Variants in TBC1D32 observed in about 807,000 individuals in gnomAD.
The protein encoded by TBC1D32 is TBC1 domain family member 32, also known as protein broad-minded.
In TBC1D32, 151 loss-of-function variants were observed where a neutral mutation model predicts 170.3. The ratio of observed to expected loss-of-function variants is 0.89; its 90% CI spans 0.78 to 1.01. The LOEUF is 1.01. Ranked by LOEUF, TBC1D32 falls within the 50% of genes least tolerant of loss-of-function variation. The pLI, the probability that TBC1D32 is intolerant of heterozygous loss-of-function variation, is 0.00. For missense variants in TBC1D32, 1,464 were observed against 1,457.1 expected, an observed-to-expected ratio of 1.00 and a Z score of -0.08; for synonymous variants, 498 against 488.0, an observed-to-expected ratio of 1.02 and a Z score of -0.27.
intron 20 of TBC1D32, among the ~76,000 whole-genome samples, chr6:121,227,155 T>C (rs1407652723): frequency 1.3e-5 from 2 of 152,200 alleles, no homozygotes; most frequent in South Asian, 4.1e-4. Context: ...ATGCAGCCCA[T>C]GGGCCGCAGG....
At chr6:121,124,857 G>A (rs1780662442) in intron 26 of TBC1D32, among the ~76,000 whole-genome samples, 1 of 151,634 alleles carries the variant, frequency 6.6e-6, no homozygotes, top group South Asian at 2.1e-4. Context: ...GTATTTTTCA[G>A]TTCCAGGATT....
chr6:121,157,012 C>T (rs187152523), intron 24 of TBC1D32, among the ~76,000 whole-genome samples: 37 of 152,182 alleles, frequency 2.4e-4, no homozygotes, highest in Non-Finnish European at 7.4e-5. Flanking sequence ...TCTTTGGATA[C>T]TTATTAGGTC....
chr6:121,151,611 T>C (rs1222417255), intron 24 of TBC1D32, among the ~76,000 whole-genome samples: 1 of 152,180 alleles, frequency 6.6e-6, no homozygotes, highest in Non-Finnish European at 1.5e-5. Flanking sequence ...TGCTAAAGTC[T>C]CCCACTATTA....
chr6:121,090,681 C>T (rs1325749770), intron 31 of TBC1D32, among the ~76,000 whole-genome samples, 172 bp downstream of exon 31: 1 of 152,050 alleles, frequency 6.6e-6, no homozygotes, highest in Non-Finnish European at 1.5e-5. Flanking sequence ...CGGTTTGGGG[C>T]AACTTAACTC....
At chr6:121,151,103 C>T (rs190184457) in intron 24 of TBC1D32, among the ~76,000 whole-genome samples, 68 of 152,152 alleles carry the variant, frequency 4.5e-4, no homozygotes, top group African/African-American at 1.6e-3. Flanking sequence ...ATCAGGGTGT[C>T]GATTTTAGGT....
chr6:121,182,559 T>G (rs1340972877), intron 22 of TBC1D32, among the ~76,000 whole-genome samples: 1 of 152,176 alleles, frequency 6.6e-6, no homozygotes, highest in African/African-American at 2.4e-5. Context: ...CATATTTGTA[T>G]AAGCTAGCAG....
intron 4 of TBC1D32, among the ~76,000 whole-genome samples, 157 bp downstream of exon 4, chr6:121,310,622 T>C (rs1377267325): frequency 6.6e-6 from 1 of 152,172 alleles, no homozygotes; most frequent in Non-Finnish European, 1.5e-5. Context: ...GACTTTTCAT[T>C]TGGACTTTAA....
At chr6:121,252,952 C>T (rs1798487518) in intron 17 of TBC1D32, among the ~76,000 whole-genome samples, 1 of 152,026 alleles carries the variant, frequency 6.6e-6, no homozygotes, top group Non-Finnish European at 1.5e-5. Flanking sequence ...ATATAAAAAT[C>T]AACACATGAT....
chr6:121,196,049 G>C (rs1391053281), intron 22 of TBC1D32, among the ~76,000 whole-genome samples: 1 of 152,186 alleles, frequency 6.6e-6, no homozygotes, highest in Non-Finnish European at 1.5e-5. Flanking sequence ...GGACCTCTTT[G>C]AGTGGTCAAA....
intron 24 of TBC1D32, among the ~76,000 whole-genome samples, chr6:121,137,051 T>C (rs959906323): frequency 6.6e-6 from 1 of 152,110 alleles, no homozygotes; most frequent in Non-Finnish European, 1.5e-5. Flanking sequence ...TTTTAAAGTA[T>C]ACATTTTTAA....
chr6:121,088,798 T>C (rs764857368), intron 31 of TBC1D32, among the ~76,000 whole-genome samples: 11 of 152,216 alleles, frequency 7.2e-5, no homozygotes, highest in Non-Finnish European at 1.3e-4. Context: ...TGTTCTTAGT[T>C]TGGATTTAAA....
In TBC1D32 at chr6:121,138,546, T is replaced by C. The variant is rs543682469; in HGVS notation, c.2774-6794A>G. ...GATTTACTACAGAGGGGAAAAACCATAATCTCAGTCATACTACCACTTCCC... is the reference window on the plus strand; with the variant it reads ...GATTTACTACAGAGGGGAAAAACCACAATCTCAGTCATACTACCACTTCCC... On this transcript the variant is annotated intron_variant, in intron 24 of 31. Coordinates refer to ENST00000398212, the MANE Select transcript of TBC1D32 (RefSeq NM_152730.6). Among the ~76,000 whole-genome samples the C allele has an allele frequency of 8.5e-5, 13 of 152,292 alleles. No individual in the cohort carries two copies. The South Asian group carries it at 2.3e-3, about 27-fold the overall frequency.
chr6:121,281,920 C>T (rs1444669032), intron 13 of TBC1D32, among the ~76,000 whole-genome samples: 5 of 151,464 alleles, frequency 3.3e-5, no homozygotes, highest in Non-Finnish European at 5.9e-5. Flanking sequence ...TGCCAAAAGA[C>T]GAGAATACAA....
At chr6:121,294,492 TA>T in intron 11 of TBC1D32, 77 bp downstream of exon 11, 1 of 1,051,976 alleles carries the variant, frequency 9.5e-7, no homozygotes, top group South Asian at 1.5e-5. Context: ...CATTAAAAAA[TA>T]AAAGTTCCTA....
intron 12 of TBC1D32, among the ~76,000 whole-genome samples, chr6:121,285,076 G>A (rs1276548080): frequency 2.6e-5 from 4 of 152,100 alleles, no homozygotes; most frequent in African/African-American, 4.8e-5. Context: ...ACTGTGTAAC[G>A]GGGTCAGCAA....
intron 10 of TBC1D32, 117 bp from the exon 11 acceptor site, chr6:121,294,777 G>C: frequency 1.3e-6 from 1 of 797,656 alleles, no homozygotes; most frequent in South Asian, 1.5e-5. Context: ...AAAATATTTA[G>C]TACAGTACCT....
chr6:121,274,729 A>G (rs1295953836), intron 15 of TBC1D32, among the ~76,000 whole-genome samples: 1 of 152,176 alleles, frequency 6.6e-6, no homozygotes, highest in Non-Finnish European at 1.5e-5. Context: ...AAAATGAAAA[A>G]TAAGGCTACT....
intron 12 of TBC1D32, among the ~76,000 whole-genome samples, chr6:121,286,753 A>T (rs1209126985): frequency 2.0e-5 from 3 of 152,212 alleles, no homozygotes; most frequent in African/African-American, 7.2e-5. Flanking sequence ...AGCCAGAGAG[A>T]AAGGTCGGGT....
At chr6:121,242,097 C>A in intron 18 of TBC1D32, 104 bp downstream of exon 18, 1 of 1,229,858 alleles carries the variant, frequency 8.1e-7, no homozygotes. Context: ...GGTCTTTTAA[C>A]AGAGGCTTAA....
Sources: gnomAD v4.1 joint callset for allele counts (sites outside exome capture counted in the v4.1 genomes callset) on GRCh38, gnomAD v4.1.1 for gene constraint, MANE v1.5 for transcripts, NCBI Gene and HGNC (gene_info 2026-07-23, HGNC 2026-07-21) for gene names.